IGSF8: variants seen among roughly 807,000 people sequenced by gnomAD.
The protein encoded by IGSF8 is CD81 partner 3.
IGSF8 carries 46 observed loss-of-function variants against 55.5 expected under a neutral mutation model. That is an observed-to-expected ratio of 0.83 (90% CI 0.65 to 1.06). The LOEUF is 1.06. Among genes scored for constraint, IGSF8 ranks in the 50% least tolerant of loss-of-function variants. The pLI is 0.00. For missense variants in IGSF8, 731 were observed against 832.3 expected (o/e 0.88, Z 1.50); for synonymous variants, 314 against 356.1 (o/e 0.88, Z 1.33).
Position 160,091,540 on chromosome 1 carries a change from G to T in IGSF8, c.*84C>A. ...TAAATTAAAGGAAGAGTGGACAGAG[G>T]GAGAGGGTGTCCAGGCAACCAGAGG... On this transcript the variant is annotated 3_prime_UTR_variant, in exon 7 of 7. Transcript: ENST00000314485. 4.5e-6 allele frequency: 2 copies of T among 439,732 alleles called. No individual in the cohort carries two copies. Among genetic ancestry groups the T allele is most frequent in the Non-Finnish European group, 8.4e-6 (2 of 238,534 alleles). The allele number at this position is 439,732 out of a possible 1,614,324, so 27.2% of individuals were successfully genotyped here. A position where few individuals can be genotyped will look rare whatever the true frequency, so the allele number is the denominator to read the frequency against.
At chr1:160,093,416 T>C (rs1415055480) in intron 3 of IGSF8, 85 bp from the exon 4 acceptor site, 2 of 1,365,542 alleles carry the variant, frequency 1.5e-6, no homozygotes, top group Non-Finnish European at 2.0e-6. Flanking sequence ...GTTTCCTACT[T>C]GACAGCAGCA....
chr1:160,091,515 T>G lies in IGSF8; in HGVS notation c.*109A>C. The G allele has an allele frequency of 3.0e-6, 1 of 334,754 alleles. No homozygotes were observed. The highest frequency in any genetic ancestry group is 5.6e-6 in the Non-Finnish European group (1 of 178,342). 20.7% of individuals were successfully genotyped at this position (334,754 alleles called of 1,614,324 possible). A position where few individuals can be genotyped will look rare whatever the true frequency, so the allele number is the denominator to read the frequency against. On this transcript the variant is annotated 3_prime_UTR_variant, in exon 7 of 7. Coordinates refer to ENST00000314485, the MANE Select transcript of IGSF8 (RefSeq NM_052868.6). ...CCATTCTGGGTAGTGGGAGGTCAAA[T>G]AAATTAAAGGAAGAGTGGACAGAGG...
At chr1:160,092,186 A>G in intron 5 of IGSF8, 96 bp downstream of exon 5, 1 of 1,291,622 alleles carries the variant, frequency 7.7e-7, no homozygotes, top group Non-Finnish European at 1.1e-6. Context: ...TGGAGGAGAG[A>G]GATAGTAGCA....
chr1:160,094,161 A>C lies in IGSF8; in HGVS notation c.453T>G (p.Asp151Glu), dbSNP rs1650253075. 6.3e-7 allele frequency: 1 copy of C among 1,596,536 alleles called. No homozygotes were observed. The highest frequency in any genetic ancestry group is 1.3e-5 in the African/African-American group (1 of 74,830). Reference sequence around the variant, plus strand: ...GGGGGGCAGCAGACACCTGGAGGACATCTGGAAGAACTGGAGAGAACAGCT... The same window carrying C: ...GGGGGGCAGCAGACACCTGGAGGACCTCTGGAAGAACTGGAGAGAACAGCT... Reference protein sequence around the residue: ...SGKVELRVLPDVLQVSAAPPG... With the variant: ...SGKVELRVLPEVLQVSAAPPG... Residue 151 changes from aspartate (D) to glutamate (E), a missense_variant, in exon 3 of 7, where the codon GAT (aspartate) becomes GAG (glutamate). Transcript: ENST00000314485. The surrounding 1 kb of genome is among the most constrained non-coding windows in gnomAD (Gnocchi z 4.0).
rs373275792 is a variant in IGSF8 at position 160,095,269 on chromosome 1, T to A, written c.65-23A>T. The A allele has an allele frequency of 4.8e-4, 765 of 1,584,050 alleles. 14 individuals are homozygous for A. In the South Asian group the frequency reaches 7.6e-3, roughly 16 times the overall value. ...TTCCTGTAGGGAAAGGCAGAAGGAG[T>A]TGGAGATGCCTGGTTCCTCATTCCA... On this transcript the variant is annotated intron_variant, in intron 1 of 6. Transcript: ENST00000314485.
intron 5 of IGSF8, 117 bp downstream of exon 5, chr1:160,092,165 G>C (rs1216792242): frequency 1.0e-5 from 12 of 1,183,392 alleles, no homozygotes; most frequent in Non-Finnish European, 1.4e-5. Context: ...GAGACTTCAT[G>C]TGACATAATG....
At chr1:160,097,890 G>T (rs974501691) in intron 1 of IGSF8, 26 of 985,340 alleles carry the variant, frequency 2.6e-5, no homozygotes, top group Admixed American at 6.1e-5. Context: ...TGGAGATGGG[G>T]GTGAGAGAGG....
chr1:160,097,745 A>G, intron 1 of IGSF8: 4 of 985,460 alleles, frequency 4.1e-6, no homozygotes, highest in Non-Finnish European at 4.8e-6. Flanking sequence ...AGATCCCAGG[A>G]TCAGTCTCCA....
rs1250367628 is a variant in IGSF8, at chr1:160,092,473, G to T, written c.1535C>A (p.Pro512His). ...CTCTACGCTGACAGGGCCTCCTCCA[G>T]GCCGGACTCCCAGCTCTGCCACACC... is the stretch of plus-strand genomic sequence containing the variant. ...QDGVAELGVR[P>H]GGGPVSVELV... The change falls in exon 5 of 7, where the codon CCT becomes CAT. Residue 512 changes from proline (P) to histidine (H), a missense_variant. Transcript: ENST00000314485. 6.2e-7 allele frequency: 1 copy of T among 1,613,344 alleles called. No homozygotes were observed. The highest frequency in any genetic ancestry group is 8.5e-7 in the Non-Finnish European group (1 of 1,179,634).
rs1340113947 is a variant in IGSF8 at position 160,091,595 on chromosome 1, G to A, written c.*29C>T. 7.5e-6 allele frequency: 4 copies of A among 534,818 alleles called. No homozygotes were observed. The highest frequency in any genetic ancestry group is 3.8e-5 in the African/African-American group (2 of 51,976). The allele number at this position is 534,818 out of a possible 1,614,324, so 33.1% of individuals were successfully genotyped here. On this transcript the variant is annotated 3_prime_UTR_variant, in exon 7 of 7. Transcript: ENST00000314485. The stretch of plus-strand genomic sequence containing the variant: ...CTTGGAGCTGGGCCGGAAGACAGTC[G>A]ACACCTGCAAGACCTGAAAAGGGTG...
At chr1:160,098,769 C>G (rs1650637610), upstream of IGSF8, 9 of 338,168 alleles carry the variant, frequency 2.7e-5, no homozygotes, top group South Asian at 3.3e-4. Context: ...CCTGCCCCAC[C>G]CCCGCCAGAC....
rs536511105 is a variant in IGSF8 at position 160,091,923 on chromosome 1, A to G, written c.1742T>C (p.Phe581Ser). 4.3e-6 allele frequency: 7 copies of G among 1,611,844 alleles called. No homozygotes were observed. The highest frequency in any genetic ancestry group is 5.1e-6 in the Non-Finnish European group (6 of 1,178,168). The change falls in exon 6 of 7, where the codon TTT becomes TCT. Residue 581 changes from phenylalanine (F) to serine (S), a missense_variant. Phe to Ser is a radical substitution (Grantham distance 155). Transcript: ENST00000314485. ...CCCTGTACCCACCAGCAGAGGCACAAATAGGGTGTCCAGGGCTGGGGGAGA... is the reference window on the plus strand; with the variant it reads ...CCCTGTACCCACCAGCAGAGGCACAGATAGGGTGTCCAGGGCTGGGGGAGA... Reference protein sequence around the residue: ...YPYMHALDTLFVPLLVGTGVA... With the variant: ...YPYMHALDTLSVPLLVGTGVA...
rs752296184 is a variant in IGSF8, at chr1:160,092,294, G to A, written c.1714C>T (p.Pro572Ser). 4.3e-6 allele frequency: 7 copies of A among 1,613,968 alleles called. No individual in the cohort carries two copies. The African/African-American group carries it at 9.3e-5, about 22-fold the overall frequency. ...SARSGPVTVY[P>S]YMHALDTLFV... ...GGGTGTCACTCACCATGCATGTAGG[G>A]GTAGACTGTAACAGGCCCTGAGCGG... The change falls in exon 5 of 7, where the codon CCC (proline) becomes TCC (serine). Residue 572 changes from proline (P) to serine (S), a missense_variant. Physicochemically the swap from Pro to Ser is moderately conservative, Grantham distance 74 (BLOSUM62 -1). Transcript: ENST00000314485.
In IGSF8 at chr1:160,093,728, C is replaced by T. The variant is rs150133706; in HGVS notation, c.886G>A (p.Val296Met). The change falls in exon 3 of 7, where the codon GTG becomes ATG. Residue 296 changes from valine (V) to methionine (M), a missense_variant. Physicochemically the swap from Val to Met is conservative, Grantham distance 21. Transcript: ENST00000314485. ...IAEKRAVLAH[V>M]DVQTLSSQLA... ...CACTTACACAGCGTCTGCACATCCACGTGGGCCAGGACGGCCCTTTTCTCT... is the reference window on the plus strand; with the variant it reads ...CACTTACACAGCGTCTGCACATCCATGTGGGCCAGGACGGCCCTTTTCTCT... 4.5e-5 allele frequency: 73 copies of T among 1,607,812 alleles called. No homozygotes were observed. Among genetic ancestry groups the T allele is most frequent in the Admixed American group, 1.2e-4 (7 of 59,686 alleles).
chr1:160,093,743 C>T lies in IGSF8; in HGVS notation c.871G>A (p.Ala291Thr), dbSNP rs1429141857. The change falls in exon 3 of 7, where the codon GCC becomes ACC. Residue 291 changes from alanine to threonine, a missense_variant. Ala to Thr is a moderately conservative substitution (Grantham distance 58). Coordinates refer to ENST00000314485, the MANE Select transcript of IGSF8 (RefSeq NM_052868.6). ...TGCACATCCACGTGGGCCAGGACGG[C>T]CCTTTTCTCTGCAATCTGGGCCCAG... ...GSWAQIAEKR[A>T]VLAHVDVQTL... 1 of 1,612,710 alleles carries T rather than the reference C, an allele frequency of 6.2e-7. No individual in the cohort carries two copies. Among genetic ancestry groups the T allele is most frequent in the Non-Finnish European group, 8.5e-7 (1 of 1,179,168 alleles).
Position 160,092,592 on chromosome 1 carries a change from TC to T in IGSF8, c.1415del (p.Gly472AspfsTer29). ...CCCACCAGCTGGCGGCCAGCCGCAG[TC>T]CTGGGGGGCCACCCCGCACAGAGAT... Reference protein sequence around the residue: ...CNISVRGGPPGLRLAASWWVE... With the variant: ...CNISVRGGPPXLRLAASWWVE... On this transcript the variant is annotated frameshift_variant, in exon 5 of 7. Transcript: ENST00000314485. LOFTEE classifies it high-confidence loss of function. 6.2e-7 allele frequency: 1 copy of T among 1,608,508 alleles called. No individual in the cohort carries two copies.
At chr1:160,099,408 G>T (rs906750939), upstream of IGSF8, among the ~76,000 whole-genome samples, 4 of 152,232 alleles carry the variant, frequency 2.6e-5, no homozygotes, top group African/African-American at 9.6e-5. Context: ...CCAGGATCCA[G>T]AAGGTCACTG....
chr1:160,095,324 GA>G, intron 1 of IGSF8, 78 bp from the exon 2 acceptor site: 1 of 1,401,552 alleles, frequency 7.1e-7, no homozygotes. Flanking sequence ...CACCATTCTT[GA>G]TCTCTGCCTA....
In IGSF8 at chr1:160,093,857, A is replaced by T; in HGVS notation, c.757T>A (p.Tyr253Asn). The part of the protein sequence containing the change: ...LRLGKEGTDR[Y>N]RMVVGGAQAG... ...TGGGCACCCCCTACTACCATGCGGT[A>T]CCGATCGGTCCCTTCCTTGCCCAGA... Residue 253 changes from tyrosine to asparagine, a missense_variant, in exon 3 of 7, where the codon TAC becomes AAC. By Grantham distance (143) the Tyr-to-Asn change is moderately radical. Transcript: ENST00000314485. 1.9e-6 allele frequency: 3 copies of T among 1,614,216 alleles called. No individual in the cohort carries two copies. The highest frequency in any genetic ancestry group is 2.5e-6 in the Non-Finnish European group (3 of 1,180,016).
Sources: allele counts gnomAD v4.1 joint callset (sites outside exome capture counted in the v4.1 genomes callset), GRCh38; gene constraint gnomAD v4.1.1; non-coding constraint Gnocchi (gnomAD v3.1); transcripts MANE v1.5; gene names NCBI Gene and HGNC (gene_info 2026-07-23, HGNC 2026-07-21).